Variants in METTL6 observed in about 807,000 individuals in gnomAD.
The protein encoded by METTL6 is methyltransferase 6, tRNA N3-cytidine, also known as tRNA N(3)-cytidine methyltransferase METTL6.
In METTL6, 22 loss-of-function variants were observed where a neutral mutation model predicts 26.4. That is an observed-to-expected ratio of 0.83 (90% CI 0.59 to 1.19). METTL6 has a LOEUF of 1.19. Among genes scored for constraint, METTL6 ranks in the 50% most tolerant of loss-of-function variants. METTL6 has a pLI of 0.00. For synonymous variants in METTL6, 109 were observed against 116.2 expected, an observed-to-expected ratio of 0.94 and a Z score of 0.40; for missense variants, 304 against 324.8, an observed-to-expected ratio of 0.94 and a Z score of 0.49.
chr3:15,394,241 A>G (rs1160335693), intron 6 of METTL6, among the ~76,000 whole-genome samples: 2 of 152,114 alleles, frequency 1.3e-5, no homozygotes, highest in Non-Finnish European at 2.9e-5. Flanking sequence ...TGTATGTGTC[A>G]AGGAATTTAT....
At chr3:15,407,155 G>T (rs1699825611), downstream of METTL6, among the ~76,000 whole-genome samples, 1 of 152,060 alleles carries the variant, frequency 6.6e-6, no homozygotes, top group Non-Finnish European at 1.5e-5. Context: ...GACTACAGTG[G>T]ACTACAGACA....
chr3:15,397,818 A>T (rs576154638), intron 6 of METTL6, among the ~76,000 whole-genome samples: 2 of 152,180 alleles, frequency 1.3e-5, no homozygotes, highest in Non-Finnish European at 2.9e-5. Context: ...GGAGGTCATA[A>T]GATATGCAAC....
intron 6 of METTL6, among the ~76,000 whole-genome samples, chr3:15,398,830 G>A (rs1181502132): frequency 6.6e-6 from 1 of 152,134 alleles, no homozygotes; most frequent in Non-Finnish European, 1.5e-5. Context: ...GAACCACAGC[G>A]ACTCCATCTT....
intron 6 of METTL6, among the ~76,000 whole-genome samples, chr3:15,384,734 T>C (rs1347366901): frequency 6.6e-6 from 1 of 152,126 alleles, no homozygotes; most frequent in Non-Finnish European, 1.5e-5. Context: ...ACTTCAACTC[T>C]AGAAGAATGA....
chr3:15,411,680 T>G (rs2124966690), intron 5 of METTL6, among the ~76,000 whole-genome samples: 1 of 152,220 alleles, frequency 6.6e-6, no homozygotes, highest in Middle Eastern at 3.4e-3. Context: ...TGTTCGCATC[T>G]TGCCTTATTA....
At chr3:15,394,344 TC>T (rs1699428965) in intron 6 of METTL6, among the ~76,000 whole-genome samples, 1 of 152,224 alleles carries the variant, frequency 6.6e-6, no homozygotes, top group South Asian at 2.1e-4. Flanking sequence ...AGTGGTGATA[TC>T]CCCTTTATCA....
intron 6 of METTL6, among the ~76,000 whole-genome samples, chr3:15,391,363 A>G (rs1699339949): frequency 6.6e-6 from 1 of 151,920 alleles, no homozygotes; most frequent in Non-Finnish European, 1.5e-5. Flanking sequence ...GCAGCGGGGG[A>G]GATGTGATCT....
intron 6 of METTL6, among the ~76,000 whole-genome samples, chr3:15,389,267 G>T (rs1396712423): frequency 2.6e-5 from 4 of 151,966 alleles, no homozygotes; most frequent in Admixed American, 6.6e-5. Flanking sequence ...GTGCTCTTTG[G>T]AAATTGAGCC....
At chr3:15,418,911 A>C (rs1242946676) in intron 3 of METTL6, among the ~76,000 whole-genome samples, 1 of 152,196 alleles carries the variant, frequency 6.6e-6, no homozygotes. Flanking sequence ...AACAAGACAT[A>C]AAATAGAACT....
chr3:15,389,385 G>A (rs766944508), intron 6 of METTL6, among the ~76,000 whole-genome samples: 3 of 152,052 alleles, frequency 2.0e-5, no homozygotes, highest in South Asian at 2.1e-4. Flanking sequence ...AAAAACGATC[G>A]TTTTCCTTGG....
chr3:15,393,026 C>G (rs150501424), intron 6 of METTL6, among the ~76,000 whole-genome samples: 2,828 of 152,226 alleles, frequency 0.019, 83 homozygotes, highest in African/African-American at 0.062. Context: ...TTTTCCAATT[C>G]TGTGAAGAAA....
chr3:15,422,151 C>G lies in METTL6; in HGVS notation c.360+2804G>C, dbSNP rs140579378. ...GAACAGCCTAGGCAACGTAGTGAGA[C>G]CCGTCTCTACAAAAAAATAAAACAA... On this transcript the variant is annotated intron_variant, in intron 3 of 5. Transcript: ENST00000383790. 5.1e-4 allele frequency among the ~76,000 whole-genome samples: 76 copies of G among 149,516 alleles called. No individual in the cohort carries two copies. The East Asian group carries it at 0.014, about 27-fold the overall frequency.
At chr3:15,411,697 C>A (rs752704255) in intron 5 of METTL6, among the ~76,000 whole-genome samples, 4 of 151,828 alleles carry the variant, frequency 2.6e-5, no homozygotes, top group Non-Finnish European at 5.9e-5. Flanking sequence ...ATTATGAATT[C>A]TCAAATACAA....
downstream of METTL6, among the ~76,000 whole-genome samples, chr3:15,408,798 T>C (rs114339818): frequency 5.4e-3 from 821 of 152,200 alleles, 9 homozygotes; most frequent in African/African-American, 0.019. Flanking sequence ...GATCCCACTT[T>C]CCTACTTTAA....
At chr3:15,421,825 T>C (rs1020186516) in intron 3 of METTL6, among the ~76,000 whole-genome samples, 7 of 152,242 alleles carry the variant, frequency 4.6e-5, no homozygotes, top group African/African-American at 1.7e-4. Flanking sequence ...GGCAGGAGAA[T>C]TGCTTGAACC....
chr3:15,417,767 A>G (rs1047104943), intron 3 of METTL6, among the ~76,000 whole-genome samples: 2 of 152,226 alleles, frequency 1.3e-5, no homozygotes, highest in Admixed American at 1.3e-4. Context: ...CTGTGTTTAG[A>G]AGAACTGGCT....
At chr3:15,408,562 C>CTTTTT (rs57787117), downstream of METTL6, among the ~76,000 whole-genome samples, 2,498 of 116,144 alleles carry the variant, frequency 0.022, 163 homozygotes, top group African/African-American at 0.067. Context: ...GCTCCTTGCT[C>CTTTTT]TTTTTTTTTT....
chr3:15,415,987 G>A, intron 3 of METTL6, 45 bp from the exon 4 acceptor site: 1 of 1,529,160 alleles, frequency 6.5e-7, no homozygotes, highest in Non-Finnish European at 8.9e-7. Flanking sequence ...CAACCACTAG[G>A]CTGATACATA....
At chr3:15,420,758 T>C (rs529848299) in intron 3 of METTL6, among the ~76,000 whole-genome samples, 5 of 152,310 alleles carry the variant, frequency 3.3e-5, no homozygotes, top group Admixed American at 2.6e-4. Flanking sequence ...ACTGAGTACA[T>C]TTTGTGTTCA....
Sources: gnomAD v4.1 joint callset for allele counts (sites outside exome capture counted in the v4.1 genomes callset) on GRCh38, gnomAD v4.1.1 for gene constraint, MANE v1.5 for transcripts, NCBI Gene and HGNC (gene_info 2026-07-23, HGNC 2026-07-21) for gene names.